The following PPP3CC variants were observed in gnomAD, a reference collection of about 807,000 sequenced individuals.
PPP3CC encodes the protein serine/threonine-protein phosphatase 2B catalytic subunit gamma isoform.
PPP3CC carries 35 observed loss-of-function variants against 60.3 expected under a neutral mutation model. The ratio of observed to expected loss-of-function variants is 0.58; its 90% CI spans 0.44 to 0.77. The LOEUF is 0.77. PPP3CC is among the 30% of genes least tolerant of loss of function. The pLI is 0.00. For missense variants in PPP3CC, 570 were observed against 628.9 expected, an observed-to-expected ratio of 0.91 and a Z score of 1.00; for synonymous variants, 206 against 224.3, an observed-to-expected ratio of 0.92 and a Z score of 0.73.
At chr8:22,527,652 C>G (rs986562664) in intron 9 of PPP3CC, 135 bp downstream of exon 9, 69 of 849,062 alleles carry the variant, frequency 8.1e-5, no homozygotes, top group Admixed American at 2.5e-4. Flanking sequence ...TTTTTTTTTT[C>G]TGAGATGGAG....
chr8:22,491,510 T>G (rs1252203859), intron 3 of PPP3CC, among the ~76,000 whole-genome samples: 1 of 152,178 alleles, frequency 6.6e-6, no homozygotes, highest in African/African-American at 2.4e-5. Flanking sequence ...CTTTCAGAGA[T>G]AGGTTAAACA....
At chr8:22,441,776 A>C (rs932424277) in intron 1 of PPP3CC, among the ~76,000 whole-genome samples, 1 of 152,278 alleles carries the variant, frequency 6.6e-6, no homozygotes, top group East Asian at 1.9e-4. Context: ...ACTCGGGGGA[A>C]GCCATCGGGG....
chr8:22,480,316 C>G (rs1290479183), intron 3 of PPP3CC, among the ~76,000 whole-genome samples: 4 of 151,896 alleles, frequency 2.6e-5, no homozygotes, highest in Non-Finnish European at 5.9e-5. Context: ...TAACAACATA[C>G]CCCTAAATGC....
intron 3 of PPP3CC, chr8:22,493,014 A>T: frequency 7.8e-7 from 1 of 1,288,932 alleles, no homozygotes; most frequent in African/African-American, 1.5e-5. Flanking sequence ...ACCACTTGCT[A>T]CTGGAGAGGA....
intron 1 of PPP3CC, among the ~76,000 whole-genome samples, chr8:22,445,327 C>T (rs1210727354): frequency 2.6e-5 from 4 of 152,104 alleles, no homozygotes; most frequent in Non-Finnish European, 5.9e-5. Flanking sequence ...AACTCTCCCC[C>T]GACTCTCCCT....
chr8:22,447,971 G>A (rs551866554), intron 1 of PPP3CC, among the ~76,000 whole-genome samples: 6 of 152,214 alleles, frequency 3.9e-5, no homozygotes, highest in African/African-American at 1.4e-4. Context: ...AGTTCATGAA[G>A]GTTTTTTTGC....
intron 1 of PPP3CC, among the ~76,000 whole-genome samples, chr8:22,473,216 A>G (rs1356520628): frequency 4.6e-5 from 7 of 152,176 alleles, no homozygotes. Flanking sequence ...CATTGGACAT[A>G]TATCAGAAAT....
chr8:22,484,433 T>G (rs1838163908), intron 3 of PPP3CC, among the ~76,000 whole-genome samples: 1 of 152,184 alleles, frequency 6.6e-6, no homozygotes, highest in Non-Finnish European at 1.5e-5. Context: ...CATGAAATAG[T>G]AAAACACTCA....
Position 22,453,880 on chromosome 8 carries a change from G to A in PPP3CC, c.49+12422G>A, listed in dbSNP as rs189513271. 6.6e-5 allele frequency among the ~76,000 whole-genome samples: 10 copies of A among 152,286 alleles called. No individual in the cohort carries two copies. In the East Asian group the frequency reaches 1.9e-3, roughly 29 times the overall value. ...AAAGATAAAAAATGGTCCACCTGTGGAGGGCACTTAACATGAATAGGGCTT... is the reference window on the plus strand; with the variant it reads ...AAAGATAAAAAATGGTCCACCTGTGAAGGGCACTTAACATGAATAGGGCTT... On this transcript the variant is annotated intron_variant, in intron 1 of 13. Transcript: ENST00000240139.
chr8:22,506,919 CAAAT>C (rs1014881489), intron 4 of PPP3CC, among the ~76,000 whole-genome samples: 9 of 150,690 alleles, frequency 6.0e-5, no homozygotes, highest in South Asian at 2.1e-4. Context: ...TCCAGTCTCT[CAAAT>C]AAATAAATTA....
intron 1 of PPP3CC, among the ~76,000 whole-genome samples, chr8:22,466,168 C>G (rs577929175): frequency 2.1e-4 from 26 of 122,504 alleles, no homozygotes; most frequent in African/African-American, 5.4e-4. Context: ...GACATGAACT[C>G]ATCCTTTTTA....
intron 1 of PPP3CC, among the ~76,000 whole-genome samples, chr8:22,462,402 A>G (rs1407163506): frequency 1.3e-5 from 2 of 152,092 alleles, no homozygotes; most frequent in African/African-American, 4.8e-5. Context: ...TCACTTTTTA[A>G]TCTCTGTTTC....
chr8:22,476,957 G>A (rs1197232354), intron 3 of PPP3CC, among the ~76,000 whole-genome samples: 1 of 150,776 alleles, frequency 6.6e-6, no homozygotes, highest in Non-Finnish European at 1.5e-5. Context: ...AAAGTTCAAT[G>A]TTAGTTGCCA....
chr8:22,468,333 G>C (rs1438284713), intron 1 of PPP3CC, among the ~76,000 whole-genome samples: 3 of 152,130 alleles, frequency 2.0e-5, no homozygotes, highest in Non-Finnish European at 2.9e-5. Flanking sequence ...TCAAACTCCT[G>C]ACCTCAGGTG....
At chr8:22,530,787 G>T (rs535293316) in intron 10 of PPP3CC, among the ~76,000 whole-genome samples, 3 of 118,866 alleles carry the variant, frequency 2.5e-5, no homozygotes, top group Non-Finnish European at 4.8e-5. Flanking sequence ...AGCCAAGATC[G>T]CACTACTGCA....
intron 4 of PPP3CC, 52 bp downstream of exon 4, chr8:22,498,164 GAA>G (rs762851238): frequency 6.1e-6 from 7 of 1,157,006 alleles, no homozygotes; most frequent in Non-Finnish European, 7.3e-6. Flanking sequence ...TAACCTGTCC[GAA>G]GTAAATCAAA....
intron 3 of PPP3CC, among the ~76,000 whole-genome samples, chr8:22,477,433 C>T (rs1007094611): frequency 9.3e-5 from 14 of 150,384 alleles, no homozygotes; most frequent in Admixed American, 4.6e-4. Context: ...GCTATTGTGC[C>T]GCTACACTCC....
At chr8:22,489,968 C>T (rs1838350644) in intron 3 of PPP3CC, among the ~76,000 whole-genome samples, 1 of 151,022 alleles carries the variant, frequency 6.6e-6, no homozygotes, top group Non-Finnish European at 1.5e-5. Context: ...ATTAGAGGCG[C>T]ATGCTACCAC....
At position 22,441,501 on chromosome 8, in the gene PPP3CC, G is replaced by T. The variant is rs1004352121; in HGVS notation, c.49+43G>T. ...CCTTCCTCTGGGACCCGCGGGAAAC[G>T]GCCTTCGGCTGGGCGGCGGCTCGGG... On this transcript the variant is annotated intron_variant, in intron 1 of 13. Transcript: ENST00000240139. 3.3e-6 allele frequency: 5 copies of T among 1,506,380 alleles called. No individual in the cohort carries two copies. The African/African-American group carries it at 7.2e-5, about 22-fold the overall frequency. 93.3% of individuals were successfully genotyped at this position (1,506,380 alleles called of 1,614,324 possible).
Sources: gnomAD v4.1 joint callset for allele counts (sites outside exome capture counted in the v4.1 genomes callset) on GRCh38, gnomAD v4.1.1 for gene constraint, MANE v1.5 for transcripts, NCBI Gene and HGNC (gene_info 2026-07-23, HGNC 2026-07-21) for gene names.